Variants in CDK14 observed in about 807,000 individuals in gnomAD.
CDK14 encodes the protein cyclin dependent kinase 14, also known as cyclin-dependent kinase 14.
CDK14 carries 34 observed loss-of-function variants against 60.7 expected under a neutral mutation model. The observed-to-expected ratio is 0.56, with a 90% CI of 0.43 to 0.75. The LOEUF (loss-of-function observed/expected upper bound fraction) is 0.75. Among genes scored for constraint, CDK14 ranks in the 30% least tolerant of loss-of-function variants. The pLI, the probability that CDK14 is intolerant of heterozygous loss-of-function variation, is 0.00. For synonymous variants in CDK14, 197 were observed against 203.7 expected (o/e 0.97, Z 0.28); for missense variants, 482 against 564.1 (o/e 0.85, Z 1.47).
At chr7:91,131,523 T>C (rs907789912) in intron 14 of CDK14, among the ~76,000 whole-genome samples, 4 of 152,150 alleles carry the variant, frequency 2.6e-5, no homozygotes, top group Non-Finnish European at 5.9e-5. Context: ...GGCTGTCTAA[T>C]GTCAGAATCT....
At chr7:91,041,908 A>G (rs13236137) in intron 10 of CDK14, among the ~76,000 whole-genome samples, 16,591 of 152,268 alleles carry the variant, frequency 0.11, 1,130 homozygotes, top group Non-Finnish European at 0.15. Context: ...TGCCGGGCAC[A>G]TGGTGCACTA....
At chr7:91,173,116 G>C (rs1252257342) in intron 14 of CDK14, among the ~76,000 whole-genome samples, 1 of 152,176 alleles carries the variant, frequency 6.6e-6, no homozygotes, top group Non-Finnish European at 1.5e-5. Context: ...GTCTTGAGCT[G>C]TGCAAACTTC....
chr7:90,979,681 A>G (rs549186216), intron 9 of CDK14: 4 of 152,260 alleles, frequency 2.6e-5, no homozygotes, highest in African/African-American at 4.8e-5. Context: ...CCCCAAACCA[A>G]TGTTCATCGT....
At chr7:90,692,342 T>G (rs1415375335) in intron 2 of CDK14, among the ~76,000 whole-genome samples, 1 of 152,212 alleles carries the variant, frequency 6.6e-6, no homozygotes, top group African/African-American at 2.4e-5. Flanking sequence ...ATTATCAACT[T>G]TGGATGGCTG....
chr7:90,881,537 C>T (rs1221037763), intron 6 of CDK14, among the ~76,000 whole-genome samples: 1 of 152,092 alleles, frequency 6.6e-6, no homozygotes, highest in Non-Finnish European at 1.5e-5. Flanking sequence ...AGAAGAACTT[C>T]CCCAACCTAG....
chr7:90,930,651 A>T (rs1161753678), intron 8 of CDK14, among the ~76,000 whole-genome samples: 1 of 151,744 alleles, frequency 6.6e-6, no homozygotes, highest in Non-Finnish European at 1.5e-5. Context: ...GAATCATAGA[A>T]ATGTTTGATC....
intron 14 of CDK14, among the ~76,000 whole-genome samples, chr7:91,165,333 G>A (rs1801312991): frequency 6.6e-6 from 1 of 152,166 alleles, no homozygotes; most frequent in South Asian, 2.1e-4. Flanking sequence ...CCATTTATCT[G>A]TCTTTCATCA....
At chr7:90,736,350 G>GTTTTTTTTTTTT (rs869290471) in intron 3 of CDK14, among the ~76,000 whole-genome samples, 1 of 50,280 alleles carries the variant, frequency 2.0e-5, no homozygotes, top group Non-Finnish European at 3.7e-5. Context: ...TTATGTTTTT[G>GTTTTTTTTTTTT]TTTTTTTTTT....
intron 8 of CDK14, among the ~76,000 whole-genome samples, chr7:90,931,780 T>TTGTG (rs202082327): frequency 3.4e-3 from 62 of 18,142 alleles, no homozygotes; most frequent in Non-Finnish European, 4.4e-3. Context: ...TCTTTGGATT[T>TTGTG]TGTGTGTGTG....
chr7:91,079,367 T>C, intron 11 of CDK14, 65 bp from the exon 12 acceptor site: 1 of 1,127,602 alleles, frequency 8.9e-7, no homozygotes, highest in Non-Finnish European at 1.3e-6. Context: ...TGAAGTTTTT[T>C]CAACATACTT....
Position 90,755,632 on chromosome 7 carries a change from A to T in CDK14, c.464+7857A>T, listed in dbSNP as rs150108337. Among the ~76,000 whole-genome samples, 744 of 152,310 alleles carry T rather than the reference A, an allele frequency of 4.9e-3. 3 individuals are homozygous for T. Among genetic ancestry groups the T allele is most frequent in the African/African-American group, 0.016 (673 of 41,566 alleles). On this transcript the variant is annotated intron_variant, in intron 4 of 14. Coordinates refer to ENST00000380050, the MANE Select transcript of CDK14 (RefSeq NM_001287135.2). ...CTAAAATGAAAGTTGAAATTACTTA[A>T]AAAGTATTTTTTTAAGAAAATTTGA...
intron 14 of CDK14, among the ~76,000 whole-genome samples, chr7:91,140,675 G>C (rs1800428602): frequency 6.6e-6 from 1 of 152,042 alleles, no homozygotes; most frequent in South Asian, 2.1e-4. Context: ...ACCTTTCTTA[G>C]CCTCAGTTTT....
intron 4 of CDK14, among the ~76,000 whole-genome samples, chr7:90,761,071 T>G (rs1804294324): frequency 6.6e-6 from 1 of 152,232 alleles, no homozygotes; most frequent in African/African-American, 2.4e-5. Flanking sequence ...CAAACAATGC[T>G]TAATCTTTTT....
intron 5 of CDK14, among the ~76,000 whole-genome samples, chr7:90,839,874 C>T (rs971274574): frequency 6.6e-6 from 1 of 151,990 alleles, no homozygotes; most frequent in South Asian, 2.1e-4. Context: ...TATGTTGTTG[C>T]CTCATGCCTC....
intron 14 of CDK14, among the ~76,000 whole-genome samples, chr7:91,171,965 T>C (rs1801535090): frequency 1.3e-5 from 2 of 152,186 alleles, no homozygotes; most frequent in South Asian, 4.1e-4. Context: ...CTTTTAAAAA[T>C]GTGTACTGTT....
At chr7:90,845,995 C>A (rs1790459106) in intron 5 of CDK14, among the ~76,000 whole-genome samples, 1 of 152,120 alleles carries the variant, frequency 6.6e-6, no homozygotes, top group African/African-American at 2.4e-5. Context: ...TTTAACTCTC[C>A]TGTCTTTTTT....
At chr7:91,056,868 T>C (rs1221954956) in intron 11 of CDK14, among the ~76,000 whole-genome samples, 1 of 152,248 alleles carries the variant, frequency 6.6e-6, no homozygotes, top group East Asian at 1.9e-4. Context: ...ACAATAAACA[T>C]ACGTGTGTAC....
chr7:90,693,995 G>A (rs1400245192), intron 2 of CDK14, among the ~76,000 whole-genome samples: 1 of 152,196 alleles, frequency 6.6e-6, no homozygotes, highest in Non-Finnish European at 1.5e-5. Context: ...GATAAAAGAA[G>A]ATTTAGGTAG....
intron 11 of CDK14, among the ~76,000 whole-genome samples, chr7:91,052,505 T>C (rs759890813): frequency 1.8e-4 from 28 of 152,176 alleles, no homozygotes; most frequent in Non-Finnish European, 3.7e-4. Flanking sequence ...CCAATAACAC[T>C]TCGTATAAAA....
Sources: allele counts gnomAD v4.1 joint callset (sites outside exome capture counted in the v4.1 genomes callset), GRCh38; gene constraint gnomAD v4.1.1; transcripts MANE v1.5; gene names NCBI Gene and HGNC (gene_info 2026-07-23, HGNC 2026-07-21).